The following GABPB1 variants were observed in gnomAD, a reference collection of about 807,000 sequenced individuals.
GABPB1 encodes GA-binding protein subunit beta-1.
A neutral mutation model predicts 45.9 loss-of-function variants in GABPB1; 15 were observed. The ratio of observed to expected loss-of-function variants is 0.33; its 90% CI spans 0.22 to 0.50. GABPB1 has a LOEUF of 0.50. GABPB1 is among the 20% of genes least tolerant of loss of function. GABPB1 has a pLI of 0.98. For synonymous variants in GABPB1, 143 were observed against 154.4 expected (o/e 0.93, Z 0.55); for missense variants, 252 against 457.5 (o/e 0.55, Z 4.10).
At chr15:50,352,262 T>A (rs2141194995) in intron 1 of GABPB1, 1 of 152,010 alleles carries the variant, frequency 6.6e-6, no homozygotes, top group South Asian at 2.1e-4. Context: ...TAAAAAAAAA[T>A]TCATGGTACA....
At chr15:50,341,400 T>C (rs1425222948) in intron 1 of GABPB1, among the ~76,000 whole-genome samples, 1 of 151,912 alleles carries the variant, frequency 6.6e-6, no homozygotes, top group African/African-American at 2.4e-5. Flanking sequence ...GGCATGGCGG[T>C]GCATGCCTGT....
At chr15:50,354,502 C>A in intron 1 of GABPB1, 1 of 449,378 alleles carries the variant, frequency 2.2e-6, no homozygotes, top group Non-Finnish European at 4.5e-6. Flanking sequence ...CCGGCGGGGC[C>A]GTCAGGCTGC....
At chr15:50,307,728 C>G (rs1241930674) in intron 2 of GABPB1, among the ~76,000 whole-genome samples, 10 of 150,786 alleles carry the variant, frequency 6.6e-5, no homozygotes, top group African/African-American at 2.4e-4. Flanking sequence ...ATCTTTTTGT[C>G]TTGAGGTACT....
At position 50,278,404 on chromosome 15, in the gene GABPB1, CT is replaced by C; in HGVS notation, c.*227del. 3.1e-6 allele frequency: 1 copy of C among 326,344 alleles called. No individual in the cohort carries two copies. The highest frequency in any genetic ancestry group is 5.5e-6 in the Non-Finnish European group (1 of 181,414). 20.2% of individuals were successfully genotyped at this position (326,344 alleles called of 1,614,324 possible). On this transcript the variant is annotated 3_prime_UTR_variant, in exon 9 of 9. Transcript: ENST00000380877. ...ACAATCTTTATCAACTCATTTGGAA[CT>C]GTAAAAAAAAAAAAACTATTTACAG...
chr15:50,322,397 T>C (rs1379166405), intron 1 of GABPB1, among the ~76,000 whole-genome samples: 1 of 150,878 alleles, frequency 6.6e-6, no homozygotes, highest in Non-Finnish European at 1.5e-5. Flanking sequence ...AAAAAAAAAA[T>C]TAGCCGGGCA....
Position 50,290,433 on chromosome 15 carries a change from A to C in GABPB1, c.698-765T>G, listed in dbSNP as rs920418997. ...TGGCAAAACCCTGTCTCTACTAAAA[A>C]TACAAAAATTAGCTGGGACTGGTGG... is the stretch of plus-strand genomic sequence containing the variant. On this transcript the variant is annotated intron_variant, in intron 6 of 8. Coordinates refer to ENST00000380877, the MANE Select transcript of GABPB1 (RefSeq NM_016654.5). 1.4e-3 allele frequency among the ~76,000 whole-genome samples: 208 copies of C among 152,194 alleles called. 3 individuals carry two copies. Among genetic ancestry groups the C allele is most frequent in the African/African-American group, 4.9e-3 (202 of 41,528 alleles).
rs1294155731 is a variant in GABPB1 at position 50,276,043 on chromosome 15, A to T, written c.*2589T>A. ...AGGTGCACAGGAAAGAAAATAATTC[A>T]TTACACCATAACACTAAATGGCTTG... On this transcript the variant is annotated 3_prime_UTR_variant, in exon 9 of 9. Coordinates refer to ENST00000380877, the MANE Select transcript of GABPB1 (RefSeq NM_016654.5). 1 of 152,204 alleles carries T rather than the reference A, an allele frequency of 6.6e-6. No homozygotes were observed. The highest frequency in any genetic ancestry group is 1.5e-5 in the Non-Finnish European group (1 of 68,036). The allele number at this position is 152,204 out of a possible 1,614,324, so 9.4% of individuals were successfully genotyped here. A position where few individuals can be genotyped will look rare whatever the true frequency, so the allele number is the denominator to read the frequency against.
intron 1 of GABPB1, among the ~76,000 whole-genome samples, chr15:50,338,291 C>T (rs530950607): frequency 6.6e-6 from 1 of 152,112 alleles, no homozygotes; most frequent in Admixed American, 6.6e-5. Flanking sequence ...CTGCCCACCT[C>T]GACCTCCCAA....
intron 1 of GABPB1, among the ~76,000 whole-genome samples, chr15:50,331,273 G>T (rs2047938750): frequency 6.6e-6 from 1 of 152,206 alleles, no homozygotes; most frequent in African/African-American, 2.4e-5. Flanking sequence ...CCTTAATGTA[G>T]AAGATAGTGC....
At chr15:50,282,958 G>A (rs907536386) in intron 8 of GABPB1, among the ~76,000 whole-genome samples, 1 of 152,182 alleles carries the variant, frequency 6.6e-6, no homozygotes, top group Non-Finnish European at 1.5e-5. Context: ...AGGAGACTGA[G>A]GCAGGAGAAT....
chr15:50,348,043 G>GA lies in GABPB1; in HGVS notation c.-1+6941dup, dbSNP rs763521486. On this transcript the variant is annotated intron_variant, in intron 1 of 8. Coordinates refer to ENST00000380877, the MANE Select transcript of GABPB1 (RefSeq NM_016654.5). The stretch of plus-strand genomic sequence containing the variant: ...GGGTGACAGAGTGAAACTCCATCTG[G>GA]AAAAAAAAAAAAAGAATCACTACTA... Among the ~76,000 whole-genome samples the GA allele has an allele frequency of 5.3e-4, 60 of 113,672 alleles. 1 individual carries two copies. The highest frequency in any genetic ancestry group is 6.9e-4 in the East Asian group (3 of 4,326). The allele number at this position is 113,672 out of a possible 152,430, so 74.6% of individuals were successfully genotyped here.
chr15:50,336,897 C>A (rs1384041339), intron 1 of GABPB1, among the ~76,000 whole-genome samples: 1 of 143,004 alleles, frequency 7.0e-6, no homozygotes, highest in Non-Finnish European at 1.5e-5. Context: ...AGCTTCAGGC[C>A]AGCCAGGCAT....
chr15:50,332,294 T>G (rs1400633648), intron 1 of GABPB1, among the ~76,000 whole-genome samples: 1 of 152,198 alleles, frequency 6.6e-6, no homozygotes, highest in East Asian at 1.9e-4. Context: ...TCTGTTCTTT[T>G]GTTGGTTTTC....
intron 1 of GABPB1, among the ~76,000 whole-genome samples, chr15:50,330,709 C>T (rs1435117746): frequency 6.6e-6 from 1 of 152,134 alleles, no homozygotes; most frequent in African/African-American, 2.4e-5. Flanking sequence ...ATCTTTTCTC[C>T]AACAAAACTT....
intron 1 of GABPB1, among the ~76,000 whole-genome samples, chr15:50,330,796 T>A (rs551692491): frequency 1.3e-5 from 2 of 152,214 alleles, no homozygotes; most frequent in African/African-American, 2.4e-5. Flanking sequence ...CAAACAAATG[T>A]TTACTGAGTA....
intron 2 of GABPB1, among the ~76,000 whole-genome samples, chr15:50,306,074 A>T (rs1452133595): frequency 6.6e-6 from 1 of 152,078 alleles, no homozygotes; most frequent in Non-Finnish European, 1.5e-5. Context: ...TCCTAGGCTC[A>T]AGCAATCCTC....
At chr15:50,302,888 TTC>T in intron 4 of GABPB1, 39 bp downstream of exon 4, 1 of 1,350,900 alleles carries the variant, frequency 7.4e-7, no homozygotes, top group Non-Finnish European at 1.0e-6. Flanking sequence ...CTGATAAGGC[TTC>T]TTTTTCTTTA....
intron 8 of GABPB1, among the ~76,000 whole-genome samples, chr15:50,283,522 T>G (rs1192887169): frequency 3.3e-5 from 5 of 151,784 alleles, no homozygotes; most frequent in Non-Finnish European, 5.9e-5. Flanking sequence ...CCTTATTGTT[T>G]TTTTTTTTTC....
At chr15:50,297,308 G>A (rs1270518230) in intron 6 of GABPB1, among the ~76,000 whole-genome samples, 5 of 151,484 alleles carry the variant, frequency 3.3e-5, no homozygotes, top group Admixed American at 1.3e-4. Context: ...TGCCTCCCAG[G>A]TTCAAGCCAT....
Sources: allele counts gnomAD v4.1 joint callset (sites outside exome capture counted in the v4.1 genomes callset), GRCh38; gene constraint gnomAD v4.1.1; transcripts MANE v1.5; gene names NCBI Gene and HGNC (gene_info 2026-07-23, HGNC 2026-07-21).